Variants in MYO16 observed in about 807,000 individuals in gnomAD.
MYO16 encodes the protein myosin XVI, also known as unconventional myosin-XVI.
In MYO16, 94 loss-of-function variants were observed where a neutral mutation model predicts 205.3. That is an observed-to-expected ratio of 0.46 (90% CI 0.39 to 0.54). The LOEUF is 0.54. Ranked by LOEUF, MYO16 falls within the 20% of genes least tolerant of loss-of-function variation. The pLI is 0.00. For missense variants in MYO16, 2,315 were observed against 2,387.5 expected, an observed-to-expected ratio of 0.97 and a Z score of 0.63; for synonymous variants, 988 against 954.0, an observed-to-expected ratio of 1.04 and a Z score of -0.66.
chr13:109,108,134 A>C (rs1412730200), intron 28 of MYO16, among the ~76,000 whole-genome samples: 2 of 152,088 alleles, frequency 1.3e-5, no homozygotes, highest in African/African-American at 4.8e-5. Flanking sequence ...TCCACACTTA[A>C]CTTCCTGAGG....
chr13:108,661,011 G>T (rs1881478366), intron 1 of MYO16, among the ~76,000 whole-genome samples: 1 of 152,142 alleles, frequency 6.6e-6, no homozygotes, highest in African/African-American at 2.4e-5. Flanking sequence ...TTGTTTGTCT[G>T]AAAACAACTG....
intron 17 of MYO16, among the ~76,000 whole-genome samples, chr13:108,959,689 T>G (rs1375236707): frequency 6.6e-6 from 1 of 152,186 alleles, no homozygotes; most frequent in Non-Finnish European, 1.5e-5. Flanking sequence ...ATTGTGGTCC[T>G]GACAGATCTG....
intron 16 of MYO16, among the ~76,000 whole-genome samples, chr13:108,946,110 C>G (rs2139327319): frequency 6.6e-6 from 1 of 152,210 alleles, no homozygotes; most frequent in Admixed American, 6.5e-5. Context: ...ATTTAAATTT[C>G]TGTTTGTCAG....
intron 25 of MYO16, 94 bp from the exon 26 acceptor site, chr13:109,054,952 T>A: frequency 6.3e-6 from 4 of 637,680 alleles, no homozygotes; most frequent in Admixed American, 3.6e-5. Flanking sequence ...TCTCCCTCCC[T>A]TCCCTTCCCC....
intron 1 of MYO16, among the ~76,000 whole-genome samples, chr13:108,639,210 G>A (rs1338825920): frequency 1.3e-5 from 2 of 152,110 alleles, no homozygotes; most frequent in African/African-American, 4.8e-5. Flanking sequence ...CCTTGAAATA[G>A]CCCAGGTGAC....
the MYO16 span, among the ~76,000 whole-genome samples, chr13:108,522,992 T>G: frequency 6.6e-6 from 1 of 152,120 alleles, no homozygotes; most frequent in South Asian, 2.1e-4. Context: ...TAACAAAAAA[T>G]GCCATAGAAA....
At chr13:109,067,671 C>T (rs1192805100) in intron 27 of MYO16, among the ~76,000 whole-genome samples, 2 of 152,140 alleles carry the variant, frequency 1.3e-5, no homozygotes, top group Non-Finnish European at 2.9e-5. Flanking sequence ...GGGCCTTACA[C>T]TCTGGATTGC....
At chr13:108,599,702 C>G (rs926303607) in intron 1 of MYO16, among the ~76,000 whole-genome samples, 1 of 152,016 alleles carries the variant, frequency 6.6e-6, no homozygotes, top group African/African-American at 2.4e-5. Context: ...TCTGTGAATT[C>G]CCAGGGAGCT....
intron 9 of MYO16, among the ~76,000 whole-genome samples, chr13:108,833,945 AT>A (rs1175376586): frequency 1.3e-5 from 2 of 151,828 alleles, no homozygotes; most frequent in Middle Eastern, 3.4e-3. Context: ...TCTCATTTCC[AT>A]TTTTTCTCAC....
At chr13:108,674,207 C>T (rs1401280065) in intron 2 of MYO16, among the ~76,000 whole-genome samples, 1 of 152,142 alleles carries the variant, frequency 6.6e-6, no homozygotes. Flanking sequence ...TTCATATATG[C>T]CTTAAGTGTT....
Position 108,837,150 on chromosome 13 carries a change from A to G in MYO16, c.1098-7193A>G, listed in dbSNP as rs111736673. Among the ~76,000 whole-genome samples the G allele has an allele frequency of 9.5e-4, 145 of 152,268 alleles. 2 individuals carry two copies. Among genetic ancestry groups the G allele is most frequent in the African/African-American group, 3.3e-3 (136 of 41,568 alleles). On this transcript the variant is annotated intron_variant, in intron 9 of 34. Transcript: ENST00000457511. The stretch of plus-strand genomic sequence containing the variant: ...TTGAATGATCAGGGTGGTTTCCCCC[A>G]TGCTGTTCTCATGATAGTGAGTGGA...
chr13:109,052,981 G>A (rs141177697), intron 25 of MYO16, among the ~76,000 whole-genome samples: 6 of 152,024 alleles, frequency 3.9e-5, no homozygotes, highest in South Asian at 2.1e-4. Context: ...TATTTGTCTC[G>A]CAAAAGTTTG....
Position 109,188,886 on chromosome 13 carries a change from G to A in MYO16, c.5415+9253G>A, listed in dbSNP as rs546975157. The stretch of plus-strand genomic sequence containing the variant: ...ACTTGGGTGGATCACCTGAGGTCAG[G>A]AGTTCGAGACCACCCTGGCCAACCT... On this transcript the variant is annotated intron_variant, in intron 34 of 34. Coordinates refer to ENST00000457511, the MANE Select transcript of MYO16 (RefSeq NM_001198950.3). 7.2e-5 allele frequency among the ~76,000 whole-genome samples: 11 copies of A among 152,250 alleles called. No individual in the cohort carries two copies. In the East Asian group the frequency reaches 1.9e-3, roughly 27 times the overall value.
At chr13:109,022,221 T>C (rs1175923038) in intron 23 of MYO16, among the ~76,000 whole-genome samples, 1 of 134,146 alleles carries the variant, frequency 7.5e-6, no homozygotes, top group Non-Finnish European at 1.5e-5. Context: ...TTTATATTTA[T>C]ATATTATATA....
intron 1 of MYO16, among the ~76,000 whole-genome samples, chr13:108,609,598 C>A (rs1879096535): frequency 6.6e-6 from 1 of 152,208 alleles, no homozygotes; most frequent in East Asian, 1.9e-4. Context: ...ATGAGCACAG[C>A]AGAAGCCAAG....
At chr13:108,813,431 T>C (rs1323760893) in intron 7 of MYO16, among the ~76,000 whole-genome samples, 1 of 152,140 alleles carries the variant, frequency 6.6e-6, no homozygotes, top group Non-Finnish European at 1.5e-5. Flanking sequence ...ATTTTCCTCT[T>C]TATTAAATTA....
intron 3 of MYO16, among the ~76,000 whole-genome samples, chr13:108,719,950 A>T (rs567623215): frequency 6.6e-6 from 1 of 152,162 alleles, no homozygotes; most frequent in Non-Finnish European, 1.5e-5. Flanking sequence ...GATGAAGGAG[A>T]TTGGTTTACA....
In MYO16 at chr13:109,147,811, C is replaced by G. The variant is rs1050703829; in HGVS notation, c.5164+6435C>G. On this transcript the variant is annotated intron_variant, in intron 32 of 34. Coordinates refer to ENST00000457511, the MANE Select transcript of MYO16 (RefSeq NM_001198950.3). The stretch of plus-strand genomic sequence containing the variant: ...ACAAAGTGGGGCGCTCCTCTGCATT[C>G]CAGAACCATTTTAAATCAATGCATA... Among the ~76,000 whole-genome samples the G allele has an allele frequency of 4.6e-5, 7 of 152,116 alleles. No individual in the cohort carries two copies. In the East Asian group the frequency reaches 9.6e-4, roughly 21 times the overall value.
At chr13:108,998,289 C>T (rs1177349195) in intron 21 of MYO16, among the ~76,000 whole-genome samples, 1 of 152,146 alleles carries the variant, frequency 6.6e-6, no homozygotes, top group Non-Finnish European at 1.5e-5. Context: ...TAGTAGGATT[C>T]ATTTTTCTGG....
Sources: allele counts gnomAD v4.1 joint callset (sites outside exome capture counted in the v4.1 genomes callset), GRCh38; gene constraint gnomAD v4.1.1; transcripts MANE v1.5; gene names NCBI Gene and HGNC (gene_info 2026-07-23, HGNC 2026-07-21).